The following CUX2 variants were observed in gnomAD, a reference collection of about 807,000 sequenced individuals.
CUX2 encodes cut like homeobox 2.
CUX2 carries 40 observed loss-of-function variants against 144.8 expected under a neutral mutation model. The observed-to-expected ratio is 0.28, with a 90% CI of 0.21 to 0.36. The LOEUF (loss-of-function observed/expected upper bound fraction) is 0.36. CUX2 is among the 10% of genes least tolerant of loss of function. The probability of loss-of-function intolerance (pLI) is 1.00; values close to 1 mark genes in which losing one functional copy is unlikely to be tolerated. For missense variants in CUX2, 1,615 were observed against 1,994.0 expected (o/e 0.81, Z 3.62); for synonymous variants, 827 against 875.6 (o/e 0.94, Z 0.98).
At chr12:111,215,624 C>T (rs891685507) in intron 2 of CUX2, among the ~76,000 whole-genome samples, 14 of 152,292 alleles carry the variant, frequency 9.2e-5, no homozygotes, top group African/African-American at 2.6e-4. Context: ...TCAGTGATGC[C>T]GAGAACCCTT....
chr12:111,299,262 G>A (rs1344935227), intron 9 of CUX2, among the ~76,000 whole-genome samples: 1 of 152,234 alleles, frequency 6.6e-6, no homozygotes, highest in Non-Finnish European at 1.5e-5. Flanking sequence ...GGCAGGGAGA[G>A]AGGTCATTTT....
chr12:111,268,002 AC>A (rs1238011395), intron 4 of CUX2, among the ~76,000 whole-genome samples: 1 of 152,146 alleles, frequency 6.6e-6, no homozygotes, highest in South Asian at 2.1e-4. Flanking sequence ...TCACTATGTT[AC>A]CCAGACTGGT....
Position 111,291,501 on chromosome 12 carries a change from C to T in CUX2, c.385C>T (p.Arg129Ter), listed in dbSNP as rs1885684903. ...CTTTGACCCCAGTGGGCAGCCCCGG[C>T]GAGACCTCCACACTTCGTGGAAGAG... is the stretch of plus-strand genomic sequence containing the variant. ...PSFDPSGQPR[R>*]DLHTSWKRNP... Residue 129 changes from arginine to a stop codon, truncating the protein, a stop_gained, in exon 5 of 22, where the codon CGA (arginine) becomes TGA (stop). Transcript: ENST00000261726. LOFTEE classifies it high-confidence loss of function. The T allele has an allele frequency of 6.2e-7, 1 of 1,612,488 alleles. No homozygotes were observed. Among genetic ancestry groups the T allele is most frequent in the Non-Finnish European group, 8.5e-7 (1 of 1,179,222 alleles).
intron 1 of CUX2, among the ~76,000 whole-genome samples, chr12:111,088,679 G>A (rs1481896197): frequency 6.6e-6 from 1 of 152,214 alleles, no homozygotes; most frequent in Non-Finnish European, 1.5e-5. Flanking sequence ...CTTGTCTGAA[G>A]ACAGACAGCT....
In CUX2 at chr12:111,304,076, G is replaced by A. The variant is rs1028566074; in HGVS notation, c.754-134G>A. 5.2e-5 allele frequency: 34 copies of A among 650,784 alleles called. No homozygotes were observed. Among genetic ancestry groups the A allele is most frequent in the Non-Finnish European group, 8.7e-5 (32 of 367,544 alleles). 40.3% of individuals were successfully genotyped at this position (650,784 alleles called of 1,614,324 possible). The stretch of plus-strand genomic sequence containing the variant: ...ACTGGTCTTCATAGCTCCAGGACAG[G>A]GTCCGGGACTAGGAAGGCAGGACCT... On this transcript the variant is annotated intron_variant, in intron 9 of 21. Transcript: ENST00000261726. This position sits in a 1 kb window ranked among gnomAD's most constrained non-coding sequence, Gnocchi z 4.7.
At chr12:111,274,470 CTGGTGGTGG>C (rs1200561316) in intron 4 of CUX2, among the ~76,000 whole-genome samples, 2 of 152,100 alleles carry the variant, frequency 1.3e-5, no homozygotes, top group Non-Finnish European at 2.9e-5. Context: ...GCTGTTGGTG[CTGGTGGTGG>C]TGGTATTATT....
chr12:111,214,890 G>A (rs1881445185), intron 2 of CUX2, among the ~76,000 whole-genome samples: 1 of 152,180 alleles, frequency 6.6e-6, no homozygotes, highest in South Asian at 2.1e-4. Context: ...CCAAGGAACA[G>A]ACTAGAACAG....
intron 1 of CUX2, among the ~76,000 whole-genome samples, chr12:111,167,429 T>C (rs1176768462): frequency 5.3e-5 from 8 of 152,302 alleles, no homozygotes. Context: ...TCCTCAACTT[T>C]TTATTTTTCT....
Position 111,334,491 on chromosome 12 carries a change from G to A in CUX2, c.2977G>A (p.Glu993Lys), listed in dbSNP as rs1383654132. 2.7e-6 allele frequency: 4 copies of A among 1,505,300 alleles called. No homozygotes were observed. In the Admixed American group the frequency reaches 5.2e-5, roughly 19 times the overall value. The allele number at this position is 1,505,300 out of a possible 1,614,324, so 93.2% of individuals were successfully genotyped here. A position where few individuals can be genotyped will look rare whatever the true frequency, so the allele number is the denominator to read the frequency against. Reference sequence around the variant, plus strand: ...ACCATCCCCACCCCCCAGCCCCACAGAGCCTGAGAAGAGCTCCCAGGAGCC... The same window carrying A: ...ACCATCCCCACCCCCCAGCCCCACAAAGCCTGAGAAGAGCTCCCAGGAGCC... ...SSPSPPPSPT[E>K]PEKSSQEPLS... is the part of the protein sequence containing the mutation. The change falls in exon 19 of 22, where the codon GAG becomes AAG. Residue 993 changes from glutamate (E) to lysine (K), a missense_variant. Glu to Lys is a moderately conservative substitution (Grantham distance 56). Around this residue, in one of 12 missense-constraint regions of CUX2, gnomAD observed 128 missense variants for 124.4 expected, o/e 1.03. Coordinates refer to ENST00000261726, the MANE Select transcript of CUX2 (RefSeq NM_015267.4).
chr12:111,332,956 C>A (rs1282743002), intron 18 of CUX2, among the ~76,000 whole-genome samples: 1 of 152,144 alleles, frequency 6.6e-6, no homozygotes, highest in Non-Finnish European at 1.5e-5. Context: ...GCCTGCAATA[C>A]CAGCACTTTG....
At chr12:111,125,242 T>A (rs1328649919) in intron 1 of CUX2, among the ~76,000 whole-genome samples, 2 of 151,562 alleles carry the variant, frequency 1.3e-5, no homozygotes, top group Non-Finnish European at 2.9e-5. Context: ...TACAGTGGTG[T>A]GATCTCAGCT....
intron 3 of CUX2, among the ~76,000 whole-genome samples, chr12:111,238,982 T>C (rs1592869698): frequency 1.3e-5 from 2 of 152,122 alleles, no homozygotes; most frequent in South Asian, 4.1e-4. Flanking sequence ...GAGGCAGAGG[T>C]TGCAGTAAGC....
chr12:111,199,098 G>A (rs1880414559), intron 1 of CUX2, among the ~76,000 whole-genome samples: 1 of 152,194 alleles, frequency 6.6e-6, no homozygotes, highest in Non-Finnish European at 1.5e-5. Flanking sequence ...AATAATCCAG[G>A]CAGGGGAGGG....
intron 18 of CUX2, among the ~76,000 whole-genome samples, chr12:111,331,465 C>A (rs1478542124): frequency 6.6e-6 from 1 of 152,104 alleles, no homozygotes; most frequent in Non-Finnish European, 1.5e-5. Context: ...CTTGCCAACC[C>A]ATTAGGGGTG....
chr12:111,161,324 G>C (rs1158343603), intron 1 of CUX2, among the ~76,000 whole-genome samples: 3 of 152,152 alleles, frequency 2.0e-5, no homozygotes, highest in Non-Finnish European at 4.4e-5. Flanking sequence ...GGGGGATCAT[G>C]AGGTTGGTTC....
chr12:111,223,778 G>A (rs191505654), intron 3 of CUX2, among the ~76,000 whole-genome samples: 3 of 152,138 alleles, frequency 2.0e-5, no homozygotes, highest in Non-Finnish European at 4.4e-5. Context: ...GTGAACACCT[G>A]GTTCATTCGC....
Position 111,320,487 on chromosome 12 carries a change from C to T in CUX2, c.2478C>T (p.Arg826=), listed in dbSNP as rs776720004. ...SGQPNGRAWP[R]GDEAPVPPED... is the part of the protein sequence containing the mutation. ...AGCCCAACGGCCGCGCCTGGCCCCG[C>T]GGGGACGAGGCCCCTGTGCCCCCCG... is the stretch of plus-strand genomic sequence containing the variant. The change falls in exon 17 of 22, where the codon CGC becomes CGT. Residue 826 remains arginine, a synonymous_variant. Transcript: ENST00000261726. The surrounding 1 kb of genome is among the most constrained non-coding windows in gnomAD (Gnocchi z 8.1). The T allele has an allele frequency of 1.9e-6, 3 of 1,586,726 alleles. No homozygotes were observed. The highest frequency in any genetic ancestry group is 2.7e-5 in the African/African-American group (2 of 74,386).
At chr12:111,135,725 A>G (rs756222741) in intron 1 of CUX2, among the ~76,000 whole-genome samples, 2 of 152,258 alleles carry the variant, frequency 1.3e-5, no homozygotes, top group Non-Finnish European at 2.9e-5. Flanking sequence ...AAGAGGCCAG[A>G]CGCAAAAGAC....
chr12:111,327,143 T>C (rs1365409240), intron 18 of CUX2, among the ~76,000 whole-genome samples: 1 of 152,180 alleles, frequency 6.6e-6, no homozygotes, highest in Non-Finnish European at 1.5e-5. Context: ...ATTTGCCTCT[T>C]CTGAATGTTT....
Sources: gnomAD v4.1 joint callset for allele counts (sites outside exome capture counted in the v4.1 genomes callset) on GRCh38, gnomAD v4.1.1 for gene constraint, gnomAD v4.1.1 regional missense constraint, Gnocchi (gnomAD v3.1) non-coding constraint, MANE v1.5 for transcripts, NCBI Gene and HGNC (gene_info 2026-07-23, HGNC 2026-07-21) for gene names.